The following LRP1B variants were observed in gnomAD, a reference collection of about 807,000 sequenced individuals.
LRP1B encodes the protein LDL receptor related protein 1B, also known as low-density lipoprotein receptor-related protein 1B.
A neutral mutation model predicts 556.6 loss-of-function variants in LRP1B; 217 were observed. The observed-to-expected ratio is 0.39, with a 90% CI of 0.35 to 0.44. LRP1B has a LOEUF of 0.44. Ranked by LOEUF, LRP1B falls within the 20% of genes least tolerant of loss-of-function variation. The pLI is 1.00. For missense variants in LRP1B, 5,053 were observed against 5,620.8 expected (o/e 0.90, Z 3.23); for synonymous variants, 2,047 against 1,865.8 (o/e 1.10, Z -2.50).
chr2:141,726,314 A>C (rs531817296), intron 2 of LRP1B, among the ~76,000 whole-genome samples: 1 of 151,632 alleles, frequency 6.6e-6, no homozygotes, highest in South Asian at 2.1e-4. Context: ...GGTAAGAGGT[A>C]ATTTTAAAAA....
At chr2:141,469,563 G>A (rs1682381857) in intron 3 of LRP1B, among the ~76,000 whole-genome samples, 1 of 152,098 alleles carries the variant, frequency 6.6e-6, no homozygotes, top group Non-Finnish European at 1.5e-5. Context: ...GCGATTCCAT[G>A]GAATAGGGTT....
chr2:141,001,014 C>G (rs1270052634), intron 15 of LRP1B, among the ~76,000 whole-genome samples: 2 of 151,864 alleles, frequency 1.3e-5, no homozygotes, highest in African/African-American at 4.8e-5. Flanking sequence ...GGCCAATGAT[C>G]CACTAATTAT....
At chr2:141,032,151 C>CA (rs1282258605) in intron 11 of LRP1B, among the ~76,000 whole-genome samples, 2 of 151,962 alleles carry the variant, frequency 1.3e-5, no homozygotes, top group Non-Finnish European at 2.9e-5. Context: ...GATCATTCTG[C>CA]AAAAATATCT....
rs13413710 is a variant in LRP1B, at chr2:140,935,973, T to G, written c.3137-12826A>C. 8.4e-3 allele frequency among the ~76,000 whole-genome samples: 1,273 copies of G among 151,730 alleles called. 20 individuals are homozygous for G. The highest frequency in any genetic ancestry group is 0.03 in the African/African-American group (1,222 of 41,372). ...ATATACATACATATACCTATATATA[T>G]GCATATCAGCTTAGACTGATTCTGT... On this transcript the variant is annotated intron_variant, in intron 20 of 90. Coordinates refer to ENST00000389484, the MANE Select transcript of LRP1B (RefSeq NM_018557.3).
At chr2:141,300,400 C>T (rs931512132) in intron 3 of LRP1B, among the ~76,000 whole-genome samples, 1 of 152,042 alleles carries the variant, frequency 6.6e-6, no homozygotes, top group Non-Finnish European at 1.5e-5. Flanking sequence ...GAAAAGCACC[C>T]CTGAGAGCAC....
intron 66 of LRP1B, among the ~76,000 whole-genome samples, chr2:140,392,239 C>T (rs1291242574): frequency 6.6e-6 from 1 of 152,038 alleles, no homozygotes; most frequent in African/African-American, 2.4e-5. Context: ...ATACCTCCCT[C>T]ACAATTTGCT....
chr2:141,121,281 A>G (rs2104996963), intron 7 of LRP1B, among the ~76,000 whole-genome samples: 1 of 152,236 alleles, frequency 6.6e-6, no homozygotes, highest in South Asian at 2.1e-4. Flanking sequence ...TATTTCAGAA[A>G]TAACACAGTA....
intron 7 of LRP1B, among the ~76,000 whole-genome samples, chr2:141,116,429 G>A (rs1453303653): frequency 6.6e-6 from 1 of 152,110 alleles, no homozygotes. Flanking sequence ...TGGAAGTCAA[G>A]TAATCCAGAT....
At chr2:140,628,409 T>C (rs1424864177) in intron 41 of LRP1B, among the ~76,000 whole-genome samples, 4 of 151,524 alleles carry the variant, frequency 2.6e-5, no homozygotes, top group Non-Finnish European at 5.9e-5. Flanking sequence ...TGGTGGCGGG[T>C]GCCTGTAGTC....
intron 7 of LRP1B, among the ~76,000 whole-genome samples, chr2:141,080,330 C>A (rs1317782127): frequency 1.3e-5 from 2 of 152,152 alleles, no homozygotes; most frequent in Non-Finnish European, 2.9e-5. Context: ...ATGTAGTTAG[C>A]AAAATCTTAC....
At chr2:140,573,066 T>G (rs1162022728) in intron 43 of LRP1B, among the ~76,000 whole-genome samples, 5 of 151,732 alleles carry the variant, frequency 3.3e-5, no homozygotes. Flanking sequence ...AGAAATAAGT[T>G]CTAGTGTTCT....
intron 86 of LRP1B, among the ~76,000 whole-genome samples, chr2:140,270,010 G>A (rs1246911696): frequency 6.6e-6 from 1 of 151,930 alleles, no homozygotes; most frequent in Non-Finnish European, 1.5e-5. Flanking sequence ...GTCTATGCAT[G>A]TCTGAAATGG....
intron 14 of LRP1B, 42 bp from the exon 15 acceptor site, chr2:141,005,499 C>A (rs762511070): frequency 6.2e-7 from 1 of 1,602,122 alleles, no homozygotes; most frequent in East Asian, 2.2e-5. Context: ...AACTCTGATT[C>A]ACGTTCTTTC....
intron 6 of LRP1B, among the ~76,000 whole-genome samples, chr2:141,202,203 C>A (rs911055654): frequency 8.5e-5 from 13 of 152,228 alleles, no homozygotes; most frequent in African/African-American, 3.1e-4. Flanking sequence ...ACTGAGAACT[C>A]CAGCTCCATC....
chr2:140,740,085 T>C (rs564167298), intron 35 of LRP1B, among the ~76,000 whole-genome samples: 1 of 152,036 alleles, frequency 6.6e-6, no homozygotes, highest in African/African-American at 2.4e-5. Flanking sequence ...GAACATAAAC[T>C]GGTACGACCA....
At chr2:141,403,042 T>G (rs530022542) in intron 3 of LRP1B, among the ~76,000 whole-genome samples, 1 of 152,214 alleles carries the variant, frequency 6.6e-6, no homozygotes, top group South Asian at 2.1e-4. Context: ...GGTGTCTTTA[T>G]TTCCTGAAAT....
At chr2:141,395,028 A>G (rs1690191315) in intron 3 of LRP1B, among the ~76,000 whole-genome samples, 1 of 152,140 alleles carries the variant, frequency 6.6e-6, no homozygotes, top group Non-Finnish European at 1.5e-5. Flanking sequence ...GATGGACTGC[A>G]TATACAAATT....
At chr2:140,981,142 C>G (rs1696757631) in intron 18 of LRP1B, among the ~76,000 whole-genome samples, 1 of 151,944 alleles carries the variant, frequency 6.6e-6, no homozygotes, top group Non-Finnish European at 1.5e-5. Context: ...ATATTGAGTA[C>G]AGTGTACTCT....
intron 11 of LRP1B, among the ~76,000 whole-genome samples, chr2:141,021,277 A>G (rs1435195060): frequency 6.6e-6 from 1 of 151,976 alleles, no homozygotes; most frequent in Non-Finnish European, 1.5e-5. Context: ...CAGGAAAAAC[A>G]GTAAAATTTT....
Sources: gnomAD v4.1 joint callset for allele counts (sites outside exome capture counted in the v4.1 genomes callset) on GRCh38, gnomAD v4.1.1 for gene constraint, MANE v1.5 for transcripts, NCBI Gene and HGNC (gene_info 2026-07-23, HGNC 2026-07-21) for gene names.